Variants in NEMF observed in about 807,000 individuals in gnomAD.
The protein encoded by NEMF is ribosome quality control complex subunit NEMF.
A neutral mutation model predicts 162.2 loss-of-function variants in NEMF; 89 were observed. The ratio of observed to expected loss-of-function variants is 0.55; its 90% CI spans 0.46 to 0.65. NEMF has a LOEUF of 0.65. Among genes scored for constraint, NEMF ranks in the 30% least tolerant of loss-of-function variants. The pLI is 0.00. For synonymous variants in NEMF, 421 were observed against 404.5 expected (o/e 1.04, Z -0.49); for missense variants, 1,133 against 1,261.9 (o/e 0.90, Z 1.55).
intron 3 of NEMF, among the ~76,000 whole-genome samples, chr14:49,848,668 C>G (rs939882923): frequency 2.6e-5 from 4 of 151,896 alleles, no homozygotes; most frequent in South Asian, 2.1e-4. Context: ...AACCCCATCT[C>G]TACTAAAAAT....
chr14:49,782,760 AG>A lies in NEMF; in HGVS notation c.*1875del. The A allele has an allele frequency of 3.3e-6, 5 of 1,529,706 alleles. No individual in the cohort carries two copies. The highest frequency in any genetic ancestry group is 4.4e-6 in the Non-Finnish European group (5 of 1,124,434). The allele number at this position is 1,529,706 out of a possible 1,614,324, so 94.8% of individuals were successfully genotyped here. A position where few individuals can be genotyped will look rare whatever the true frequency, so the allele number is the denominator to read the frequency against. ...AGAAAGAAAGAGGGATGTTTTATGT[AG>A]TTTTTCAAGTGAATGTACTTCCAAA... is the stretch of plus-strand genomic sequence containing the variant. On this transcript the variant is annotated 3_prime_UTR_variant, in exon 33 of 33. Transcript: ENST00000298310.
intron 11 of NEMF, among the ~76,000 whole-genome samples, chr14:49,830,685 C>T (rs950824211): frequency 6.6e-6 from 1 of 152,244 alleles, no homozygotes; most frequent in African/African-American, 2.4e-5. Context: ...CGCGCCCAGC[C>T]TCAAATAATT....
At chr14:49,839,492 T>A (rs1016193723) in intron 5 of NEMF, 1 of 152,068 alleles carries the variant, frequency 6.6e-6, no homozygotes, top group Non-Finnish European at 1.5e-5. Context: ...AGAATATGAG[T>A]CAGCAGGGCC....
chr14:49,845,964 G>GATAAAATGA, intron 4 of NEMF, 176 bp downstream of exon 4: 1 of 562,964 alleles, frequency 1.8e-6, no homozygotes, highest in Non-Finnish European at 3.1e-6. Context: ...CAGACCTACA[G>GATAAAATGA]ATAAAATGAA....
At chr14:49,802,609 A>C in intron 21 of NEMF, 36 bp from the exon 22 acceptor site, 9 of 1,611,458 alleles carry the variant, frequency 5.6e-6, no homozygotes, top group Non-Finnish European at 7.6e-6. Flanking sequence ...ACGGAGCTTC[A>C]GACAAGACTA....
intron 6 of NEMF, among the ~76,000 whole-genome samples, chr14:49,835,912 T>TA (rs2139992115): frequency 6.6e-6 from 1 of 152,334 alleles, no homozygotes; most frequent in Admixed American, 6.5e-5. Context: ...AAGAATAGAA[T>TA]GTTTAGGAAT....
At chr14:49,799,573 T>C in intron 24 of NEMF, 49 bp from the exon 25 acceptor site, 1 of 1,597,846 alleles carries the variant, frequency 6.3e-7, no homozygotes, top group Non-Finnish European at 8.5e-7. Flanking sequence ...ATTAACTTTT[T>C]TGAAAAGTAG....
intron 18 of NEMF, among the ~76,000 whole-genome samples, chr14:49,807,983 CG>C (rs1891301098): frequency 6.6e-6 from 1 of 152,006 alleles, no homozygotes; most frequent in Non-Finnish European, 1.5e-5. Flanking sequence ...TGGCCATTCA[CG>C]TATCTTTGCA....
chr14:49,796,438 C>T (rs2139844341), intron 25 of NEMF: 1 of 350,664 alleles, frequency 2.9e-6, no homozygotes, highest in Admixed American at 3.7e-5. Context: ...CTCATTACAT[C>T]CCACCCAGAC....
Position 49,852,705 on chromosome 14 carries a change from G to A in NEMF, c.49C>T (p.Leu17=). Residue 17 remains leucine, a synonymous_variant, in exon 1 of 33, where the codon CTG becomes TTG. Coordinates refer to ENST00000298310, the MANE Select transcript of NEMF (RefSeq NM_004713.6). The part of the protein sequence containing the change: ...TIDLRAVLAE[L]NASLLGMRVN... The stretch of plus-strand genomic sequence containing the variant: ...CTTAGGGTACTGTACCTAGCATTCA[G>A]CTCCGCGAGTACGGCGCGGAGGTCA... 6.2e-7 allele frequency: 1 copy of A among 1,614,242 alleles called. No homozygotes were observed. The highest frequency in any genetic ancestry group is 8.5e-7 in the Non-Finnish European group (1 of 1,180,022).
intron 8 of NEMF, 115 bp downstream of exon 8, chr14:49,833,308 A>C (rs894499616): frequency 5.4e-6 from 3 of 559,566 alleles, no homozygotes; most frequent in Admixed American, 6.6e-5. Flanking sequence ...CATATTACAG[A>C]TAACAATTTT....
chr14:49,837,785 A>C (rs921115598), intron 6 of NEMF, among the ~76,000 whole-genome samples: 2 of 149,848 alleles, frequency 1.3e-5, no homozygotes, highest in African/African-American at 4.9e-5. Flanking sequence ...AGGACCTGTC[A>C]GATGCTGGGA....
chr14:49,833,945 A>C (rs1356433466), intron 7 of NEMF: 3 of 299,116 alleles, frequency 1.0e-5, no homozygotes, highest in Non-Finnish European at 2.0e-5. Flanking sequence ...TAAACATCAG[A>C]GTCATTTTAT....
At chr14:49,837,511 A>C (rs1434623433) in intron 6 of NEMF, among the ~76,000 whole-genome samples, 3 of 152,126 alleles carry the variant, frequency 2.0e-5, no homozygotes, top group African/African-American at 7.2e-5. Context: ...AATAAATTAA[A>C]AAAGAAAAGA....
At chr14:49,825,114 G>A (rs900459037) in intron 16 of NEMF, among the ~76,000 whole-genome samples, 1 of 152,166 alleles carries the variant, frequency 6.6e-6, no homozygotes, top group Non-Finnish European at 1.5e-5. Flanking sequence ...TTTTAAAACT[G>A]AGCAAGGAAG....
At chr14:49,808,275 C>T (rs1046214478) in intron 18 of NEMF, among the ~76,000 whole-genome samples, 7 of 152,012 alleles carry the variant, frequency 4.6e-5, no homozygotes, top group African/African-American at 1.4e-4. Context: ...AGGGTCCAAG[C>T]GATTCTCCTG....
chr14:49,805,857 C>T (rs1237451196), intron 19 of NEMF, among the ~76,000 whole-genome samples, 164 bp downstream of exon 19: 1 of 152,080 alleles, frequency 6.6e-6, no homozygotes, highest in African/African-American at 2.4e-5. Context: ...CTTTTAAAAA[C>T]ACTATTTTAT....
At chr14:49,819,450 T>C (rs1566679217) in intron 16 of NEMF, among the ~76,000 whole-genome samples, 1 of 151,916 alleles carries the variant, frequency 6.6e-6, no homozygotes, top group African/African-American at 2.4e-5. Flanking sequence ...AGTCTCGCTC[T>C]GTTGCCCAGG....
chr14:49,827,387 A>G (rs550749999), intron 15 of NEMF, among the ~76,000 whole-genome samples: 4 of 152,090 alleles, frequency 2.6e-5, no homozygotes, highest in Admixed American at 6.5e-5. Context: ...GGGTTTCACC[A>G]TGTTGGCCAG....
Sources: allele counts gnomAD v4.1 joint callset (sites outside exome capture counted in the v4.1 genomes callset), GRCh38; gene constraint gnomAD v4.1.1; transcripts MANE v1.5; gene names NCBI Gene and HGNC (gene_info 2026-07-23, HGNC 2026-07-21).